Variants in HDAC9 observed in about 807,000 individuals in gnomAD.
HDAC9 encodes histone deacetylase 9, also known as MEF-2 interacting transcription repressor (MITR) protein.
Under a neutral mutation model 139.4 loss-of-function variants are expected in HDAC9, and 41 were observed. That is an observed-to-expected ratio of 0.29 (90% CI 0.23 to 0.38). The LOEUF is 0.38. Ranked by LOEUF, HDAC9 falls within the 10% of genes least tolerant of loss-of-function variation. The probability of loss-of-function intolerance (pLI) is 1.00; values close to 1 mark genes in which losing one functional copy is unlikely to be tolerated. For missense variants in HDAC9, 1,147 were observed against 1,297.0 expected, an observed-to-expected ratio of 0.88 and a Z score of 1.78; for synonymous variants, 517 against 476.2, an observed-to-expected ratio of 1.09 and a Z score of -1.12.
intron 2 of HDAC9, among the ~76,000 whole-genome samples, chr7:18,549,451 G>A (rs889835318): frequency 1.5e-4 from 23 of 152,078 alleles, no homozygotes; most frequent in African/African-American, 5.6e-4. Context: ...GTACATCCAT[G>A]CCATGGAATA....
At chr7:18,474,013 A>G (rs1157835283) in intron 1 of HDAC9, among the ~76,000 whole-genome samples, 1 of 152,178 alleles carries the variant, frequency 6.6e-6, no homozygotes, top group Non-Finnish European at 1.5e-5. Context: ...TCAGCTTCTT[A>G]TCTATGTTCT....
intron 1 of HDAC9, among the ~76,000 whole-genome samples, chr7:18,117,599 T>C (rs1342135782): frequency 6.6e-6 from 1 of 151,138 alleles, no homozygotes; most frequent in Non-Finnish European, 1.5e-5. Flanking sequence ...TGATGCAGCA[T>C]TGAATTGATG....
In HDAC9 at chr7:18,835,998, G is replaced by T; in HGVS notation, c.2684+1G>T. 6.5e-7 allele frequency: 1 copy of T among 1,532,360 alleles called. No homozygotes were observed. The highest frequency in any genetic ancestry group is 8.8e-7 in the Non-Finnish European group (1 of 1,131,074). The allele number at this position is 1,532,360 out of a possible 1,614,324, so 94.9% of individuals were successfully genotyped here. A position where few individuals can be genotyped will look rare whatever the true frequency, so the allele number is the denominator to read the frequency against. Reference sequence around the variant, plus strand: ...ATGTTGAGTACCTTGAAGCATTCAGGTTGGTACTTCTTTCTCTCTGAAAGT... The same window carrying T: ...ATGTTGAGTACCTTGAAGCATTCAGTTTGGTACTTCTTTCTCTCTGAAAGT... On this transcript the variant is annotated splice_donor_variant, in intron 21 of 25. Transcript: ENST00000686413. LOFTEE classifies it high-confidence loss of function.
chr7:18,812,844 C>G (rs1376681976), intron 17 of HDAC9, among the ~76,000 whole-genome samples: 1 of 151,904 alleles, frequency 6.6e-6, no homozygotes, highest in African/African-American at 2.4e-5. Flanking sequence ...TTTCTTGAGT[C>G]TCATTTTCTT....
intron 3 of HDAC9, among the ~76,000 whole-genome samples, chr7:18,588,124 G>C (rs1050472756): frequency 3.3e-5 from 5 of 152,102 alleles, no homozygotes; most frequent in Non-Finnish European, 5.9e-5. Flanking sequence ...TGTCCTTCTG[G>C]GAGTAATAAG....
intron 25 of HDAC9, among the ~76,000 whole-genome samples, chr7:18,990,566 T>G (rs1324618667): frequency 6.6e-6 from 1 of 152,240 alleles, no homozygotes; most frequent in East Asian, 1.9e-4. Flanking sequence ...TGAGCTGTGG[T>G]GGGCTCCACC....
chr7:18,250,254 A>C (rs892726730), intron 2 of HDAC9, among the ~76,000 whole-genome samples: 1 of 152,270 alleles, frequency 6.6e-6, no homozygotes, highest in African/African-American at 2.4e-5. Flanking sequence ...CATCTAAAAC[A>C]ATGTGATTAT....
At chr7:18,897,120 T>G (rs1026164778) in intron 22 of HDAC9, among the ~76,000 whole-genome samples, 1 of 151,746 alleles carries the variant, frequency 6.6e-6, no homozygotes, top group Admixed American at 6.6e-5. Context: ...TATAATAAAT[T>G]TTAAAAATAG....
intron 24 of HDAC9, among the ~76,000 whole-genome samples, chr7:18,967,506 CAAAAA>C (rs777814332): frequency 8.4e-6 from 1 of 119,226 alleles, no homozygotes; most frequent in African/African-American, 3.3e-5. Context: ...GCCCCCCCCC[CAAAAA>C]AAAAAAAGCA....
chr7:18,416,264 C>T (rs1789050942), intron 1 of HDAC9, among the ~76,000 whole-genome samples: 2 of 151,988 alleles, frequency 1.3e-5, no homozygotes, highest in African/African-American at 4.8e-5. Flanking sequence ...CCATTATACT[C>T]CAGCCTGGGC....
At chr7:18,308,759 C>T (rs1799097894) in intron 1 of HDAC9, among the ~76,000 whole-genome samples, 1 of 152,048 alleles carries the variant, frequency 6.6e-6, no homozygotes, top group Non-Finnish European at 1.5e-5. Context: ...AAGATGTTAG[C>T]CATTATATTT....
intron 24 of HDAC9, among the ~76,000 whole-genome samples, chr7:18,973,854 C>T (rs994972656): frequency 6.6e-6 from 1 of 152,248 alleles, no homozygotes; most frequent in African/African-American, 2.4e-5. Context: ...ATTGGTCTTC[C>T]TGCCCCCACT....
intron 17 of HDAC9, among the ~76,000 whole-genome samples, chr7:18,804,711 C>T (rs914693784): frequency 1.3e-5 from 2 of 152,168 alleles, no homozygotes; most frequent in Non-Finnish European, 2.9e-5. Flanking sequence ...CTTAAAACAG[C>T]CAAAGAAGAC....
intron 1 of HDAC9, among the ~76,000 whole-genome samples, chr7:18,384,224 T>C (rs1785705488): frequency 6.6e-6 from 1 of 151,990 alleles, no homozygotes; most frequent in South Asian, 2.1e-4. Context: ...GGTGGGAGGA[T>C]TGCTTGAACC....
At chr7:18,880,281 A>G (rs1228520703) in intron 22 of HDAC9, among the ~76,000 whole-genome samples, 2 of 152,202 alleles carry the variant, frequency 1.3e-5, no homozygotes, top group African/African-American at 2.4e-5. Flanking sequence ...TACAACCACC[A>G]TTTGATCCAG....
At chr7:18,684,800 G>A (rs1782149464) in intron 12 of HDAC9, among the ~76,000 whole-genome samples, 1 of 151,916 alleles carries the variant, frequency 6.6e-6, no homozygotes, top group Non-Finnish European at 1.5e-5. Context: ...ATATTTATGA[G>A]TGAACTTTTT....
intron 1 of HDAC9, among the ~76,000 whole-genome samples, chr7:18,432,807 T>C (rs1480444667): frequency 6.6e-6 from 1 of 152,038 alleles, no homozygotes; most frequent in East Asian, 1.9e-4. Context: ...AAAAATTAGC[T>C]GGGCATGGTG....
intron 21 of HDAC9, among the ~76,000 whole-genome samples, chr7:18,856,799 C>T (rs990424653): frequency 3.3e-5 from 5 of 152,214 alleles, no homozygotes; most frequent in East Asian, 1.9e-4. Flanking sequence ...AATGTAACAT[C>T]GATTTGGGTC....
chr7:18,547,165 G>A (rs1159322528), intron 2 of HDAC9, among the ~76,000 whole-genome samples: 1 of 152,218 alleles, frequency 6.6e-6, no homozygotes, highest in Non-Finnish European at 1.5e-5. Context: ...CTGGCTGAGG[G>A]TCTTGCCTCA....
Sources: allele counts gnomAD v4.1 joint callset (sites outside exome capture counted in the v4.1 genomes callset), GRCh38; gene constraint gnomAD v4.1.1; transcripts MANE v1.5; gene names NCBI Gene and HGNC (gene_info 2026-07-23, HGNC 2026-07-21).